Variants in P3H2 observed in about 807,000 individuals in gnomAD.
P3H2 encodes the protein leprecan-like 1.
A neutral mutation model predicts 87.0 loss-of-function variants in P3H2; 80 were observed. That is an observed-to-expected ratio of 0.92 (90% CI 0.77 to 1.11). The LOEUF is 1.11. Ranked by LOEUF, P3H2 falls within the 50% of genes least tolerant of loss-of-function variation. The pLI, the probability that P3H2 is intolerant of heterozygous loss-of-function variation, is 0.00. For missense variants in P3H2, 1,001 were observed against 923.9 expected, an observed-to-expected ratio of 1.08 and a Z score of -1.08; for synonymous variants, 367 against 359.3, an observed-to-expected ratio of 1.02 and a Z score of -0.24.
chr3:190,086,708 A>C (rs1727222743), intron 1 of P3H2, among the ~76,000 whole-genome samples: 1 of 152,212 alleles, frequency 6.6e-6, no homozygotes, highest in Non-Finnish European at 1.5e-5. Flanking sequence ...ACTCAACCAG[A>C]CCAGCATCCA....
intron 14 of P3H2, among the ~76,000 whole-genome samples, chr3:189,960,220 C>T (rs533699341): frequency 5.3e-5 from 8 of 152,288 alleles, no homozygotes; most frequent in Non-Finnish European, 1.0e-4. Flanking sequence ...CACAATTTGC[C>T]GCTCCTACCC....
At chr3:190,058,141 T>G (rs76946782) in intron 1 of P3H2, among the ~76,000 whole-genome samples, 2,039 of 152,158 alleles carry the variant, frequency 0.013, 42 homozygotes, top group African/African-American at 0.046. Flanking sequence ...TTAATATAAT[T>G]TAGGAGAATA....
chr3:190,100,241 C>A (rs1387347005), intron 1 of P3H2, among the ~76,000 whole-genome samples: 1 of 88,808 alleles, frequency 1.1e-5, no homozygotes, highest in African/African-American at 7.4e-5. Flanking sequence ...GTCCCCCGCC[C>A]CCCCCGCCGC....
intron 1 of P3H2, among the ~76,000 whole-genome samples, chr3:190,093,721 T>G (rs960503120): frequency 6.6e-6 from 1 of 152,336 alleles, no homozygotes; most frequent in East Asian, 1.9e-4. Context: ...AGTGTTTGTT[T>G]GCTTTGTTTT....
intron 3 of P3H2, among the ~76,000 whole-genome samples, chr3:189,989,305 A>C (rs1255132422): frequency 6.6e-6 from 1 of 151,998 alleles, no homozygotes. Context: ...TTCCCTTCCC[A>C]TGTACACTTT....
At chr3:190,106,684 TA>T (rs1318787415) in intron 1 of P3H2, among the ~76,000 whole-genome samples, 3 of 152,218 alleles carry the variant, frequency 2.0e-5, no homozygotes, top group Non-Finnish European at 4.4e-5. Context: ...TTTTTGACTA[TA>T]TACCTGTTTG....
intron 1 of P3H2, among the ~76,000 whole-genome samples, chr3:190,038,460 T>C (rs186413822): frequency 6.8e-4 from 77 of 113,312 alleles, no homozygotes; most frequent in African/African-American, 2.5e-3. Context: ...ACCTAGATAT[T>C]CAACAAGAAG....
chr3:189,970,800 G>C lies in P3H2; in HGVS notation c.1893+16C>G. The C allele has an allele frequency of 6.8e-7, 1 of 1,470,896 alleles. No homozygotes were observed. Among genetic ancestry groups the C allele is most frequent in the South Asian group, 1.1e-5 (1 of 88,200 alleles). The allele number at this position is 1,470,896 out of a possible 1,614,324, so 91.1% of individuals were successfully genotyped here. A position where few individuals can be genotyped will look rare whatever the true frequency, so the allele number is the denominator to read the frequency against. On this transcript the variant is annotated intron_variant, in intron 13 of 14. Transcript: ENST00000319332. The stretch of plus-strand genomic sequence containing the variant: ...TAAAACATACTAAATAAGTATTCAA[G>C]AATAGGTTTACTTACAGTCACAGTC...
intron 1 of P3H2, among the ~76,000 whole-genome samples, chr3:190,068,707 A>T (rs1726595628): frequency 3.3e-5 from 5 of 151,882 alleles, no homozygotes; most frequent in Admixed American, 3.3e-4. Context: ...TGAAGTTGCG[A>T]TTTCCTGAGG....
chr3:190,005,568 C>T (rs556769604), intron 1 of P3H2, among the ~76,000 whole-genome samples: 127 of 152,344 alleles, frequency 8.3e-4, no homozygotes, highest in Middle Eastern at 3.4e-3. Context: ...ACTCAAATCG[C>T]TTTACTGTGA....
At chr3:190,038,885 T>G (rs1725509121) in intron 1 of P3H2, among the ~76,000 whole-genome samples, 3 of 152,206 alleles carry the variant, frequency 2.0e-5, no homozygotes, top group Admixed American at 6.5e-5. Context: ...TCTTTAACTC[T>G]ATGTTTAAGA....
chr3:190,003,447 C>A (rs1384843582), intron 1 of P3H2, among the ~76,000 whole-genome samples: 3 of 150,348 alleles, frequency 2.0e-5, no homozygotes, highest in Non-Finnish European at 4.4e-5. Context: ...AACTTTTAAA[C>A]ATACTATTTC....
At chr3:189,969,437 G>T (rs1723103966) in intron 13 of P3H2, 2 of 834,980 alleles carry the variant, frequency 2.4e-6, no homozygotes, top group Non-Finnish European at 4.1e-6. Context: ...TGGGGGCTTG[G>T]CCCCCATTGG....
chr3:190,082,445 A>T (rs1009208369), intron 1 of P3H2, among the ~76,000 whole-genome samples: 1 of 152,174 alleles, frequency 6.6e-6, no homozygotes, highest in Non-Finnish European at 1.5e-5. Flanking sequence ...TTGATATATC[A>T]TAGTTGTACA....
At chr3:189,998,385 A>G (rs556704149) in intron 1 of P3H2, among the ~76,000 whole-genome samples, 1 of 152,320 alleles carries the variant, frequency 6.6e-6, no homozygotes, top group South Asian at 2.1e-4. Flanking sequence ...CCACTGACTT[A>G]GAGAATCTTT....
At chr3:190,011,625 A>G (rs2108934794) in intron 1 of P3H2, among the ~76,000 whole-genome samples, 1 of 152,324 alleles carries the variant, frequency 6.6e-6, no homozygotes, top group Middle Eastern at 3.4e-3. Context: ...ACCCGACAGA[A>G]AGAGCTGCCT....
chr3:190,068,516 T>G (rs1726588093), intron 1 of P3H2, among the ~76,000 whole-genome samples: 2 of 152,204 alleles, frequency 1.3e-5, no homozygotes, highest in Non-Finnish European at 2.9e-5. Context: ...AACTGCTAGA[T>G]TTGGTAAATC....
chr3:189,989,971 A>G (rs1719604), intron 3 of P3H2, among the ~76,000 whole-genome samples: 120,555 of 152,180 alleles, frequency 0.79, 47,918 homozygotes, highest in East Asian at 0.92. Context: ...AGCAAGAAAG[A>G]TTCATTCATG....
intron 1 of P3H2, among the ~76,000 whole-genome samples, chr3:190,055,200 A>G (rs930300287): frequency 2.0e-5 from 3 of 152,196 alleles, no homozygotes; most frequent in African/African-American, 4.8e-5. Context: ...GCATCTTACA[A>G]TCGGGAATAA....
Sources: allele counts gnomAD v4.1 joint callset (sites outside exome capture counted in the v4.1 genomes callset), GRCh38; gene constraint gnomAD v4.1.1; transcripts MANE v1.5; gene names NCBI Gene and HGNC (gene_info 2026-07-23, HGNC 2026-07-21).